Variants in TANGO6 observed in about 807,000 individuals in gnomAD.
TANGO6 encodes the protein transport and golgi organization 6 homolog, also known as transport and Golgi organization protein 6 homolog.
In TANGO6, 90 loss-of-function variants were observed where a neutral mutation model predicts 114.2. The ratio of observed to expected loss-of-function variants is 0.79; its 90% confidence interval spans 0.66 to 0.94. TANGO6 has a LOEUF of 0.94. Among genes scored for constraint, TANGO6 ranks in the 40% least tolerant of loss-of-function variants. The pLI, the probability that TANGO6 is intolerant of heterozygous loss-of-function variation, is 0.00. For missense variants in TANGO6, 1,274 were observed against 1,315.3 expected, an observed-to-expected ratio of 0.97 and a Z score of 0.49; for synonymous variants, 477 against 509.8, an observed-to-expected ratio of 0.94 and a Z score of 0.87.
chr16:68,904,430 T>C (rs900886411), intron 9 of TANGO6, among the ~76,000 whole-genome samples: 1 of 152,210 alleles, frequency 6.6e-6, no homozygotes, highest in East Asian at 1.9e-4. Context: ...TCTGGAAGAT[T>C]CTGGGATAAT....
chr16:68,882,770 A>G (rs919486540), intron 7 of TANGO6, among the ~76,000 whole-genome samples: 8 of 151,696 alleles, frequency 5.3e-5, no homozygotes, highest in African/African-American at 9.7e-5. Flanking sequence ...TGTAATCCCA[A>G]CACTTTGGGA....
intron 3 of TANGO6, among the ~76,000 whole-genome samples, chr16:68,863,708 C>T (rs188110604): frequency 3.9e-4 from 60 of 152,330 alleles, no homozygotes; most frequent in African/African-American, 1.4e-3. Context: ...TTTGACAAAA[C>T]ATTCTTTTAG....
At chr16:68,938,961 C>A (rs1032846993) in intron 14 of TANGO6, among the ~76,000 whole-genome samples, 5 of 150,280 alleles carry the variant, frequency 3.3e-5, no homozygotes, top group African/African-American at 1.2e-4. Flanking sequence ...AACCCCAACA[C>A]TTTGGGAGGC....
At chr16:69,010,051 AT>A (rs1964131098) in intron 15 of TANGO6, among the ~76,000 whole-genome samples, 1 of 152,194 alleles carries the variant, frequency 6.6e-6, no homozygotes, top group Non-Finnish European at 1.5e-5. Context: ...TTGCCAAAGT[AT>A]CTAGAAAGTT....
chr16:68,996,050 C>G (rs1005541328), intron 15 of TANGO6, among the ~76,000 whole-genome samples: 1 of 152,162 alleles, frequency 6.6e-6, no homozygotes. Flanking sequence ...CTGGGCTGCA[C>G]TGTAGCTGCG....
intron 9 of TANGO6, 62 bp downstream of exon 9, chr16:68,902,566 T>C (rs1962800247): frequency 7.0e-7 from 1 of 1,423,542 alleles, no homozygotes; most frequent in Non-Finnish European, 9.3e-7. Flanking sequence ...GGCCATTCAG[T>C]GATTCAACCA....
At chr16:68,871,241 T>C (rs925802731) in intron 4 of TANGO6, among the ~76,000 whole-genome samples, 2 of 152,204 alleles carry the variant, frequency 1.3e-5, no homozygotes, top group African/African-American at 2.4e-5. Flanking sequence ...CTGGCTTGTG[T>C]CATTTCTGAT....
chr16:68,941,634 T>A (rs1201076842), intron 14 of TANGO6, among the ~76,000 whole-genome samples: 1 of 151,916 alleles, frequency 6.6e-6, no homozygotes, highest in Non-Finnish European at 1.5e-5. Context: ...TAGTCCCAGC[T>A]ACTTGGGAGG....
intron 9 of TANGO6, among the ~76,000 whole-genome samples, chr16:68,902,937 G>T (rs935477068): frequency 6.6e-6 from 1 of 152,134 alleles, no homozygotes; most frequent in Non-Finnish European, 1.5e-5. Flanking sequence ...ATGGAAATTT[G>T]TTTCTCATAG....
At chr16:69,073,380 T>A (rs1181917959) in intron 17 of TANGO6, among the ~76,000 whole-genome samples, 1 of 152,222 alleles carries the variant, frequency 6.6e-6, no homozygotes, top group Non-Finnish European at 1.5e-5. Context: ...TTCCAGAGAA[T>A]TGCCTGCGTT....
At chr16:69,050,368 G>A (rs1051885201) in intron 17 of TANGO6, among the ~76,000 whole-genome samples, 1 of 152,028 alleles carries the variant, frequency 6.6e-6, no homozygotes, top group Non-Finnish European at 1.5e-5. Context: ...TTCTGAAACG[G>A]GGTCTCATGG....
At chr16:69,005,175 C>G (rs1597054865) in intron 15 of TANGO6, among the ~76,000 whole-genome samples, 1 of 152,150 alleles carries the variant, frequency 6.6e-6, no homozygotes, top group Admixed American at 6.6e-5. Context: ...CAGTGGGGGA[C>G]CACTCACAAC....
At chr16:68,968,816 A>G (rs1963673687) in intron 14 of TANGO6, among the ~76,000 whole-genome samples, 1 of 150,918 alleles carries the variant, frequency 6.6e-6, no homozygotes, top group Non-Finnish European at 1.5e-5. Flanking sequence ...GACTACAGGC[A>G]CCCACTACCA....
chr16:68,878,410 T>C, intron 6 of TANGO6, 130 bp downstream of exon 6: 1 of 1,130,452 alleles, frequency 8.8e-7, no homozygotes, highest in South Asian at 2.1e-5. Context: ...ACTTTTTATT[T>C]TGACAAATTC....
At chr16:69,019,599 G>A (rs1204242876) in intron 15 of TANGO6, among the ~76,000 whole-genome samples, 3 of 152,190 alleles carry the variant, frequency 2.0e-5, no homozygotes, top group African/African-American at 7.2e-5. Flanking sequence ...AGCAACCTCT[G>A]CTTGACTCTG....
intron 14 of TANGO6, among the ~76,000 whole-genome samples, chr16:68,952,371 A>G (rs1963479515): frequency 6.6e-6 from 1 of 152,186 alleles, no homozygotes; most frequent in African/African-American, 2.4e-5. Context: ...AGTATCAGCT[A>G]GAGGTGCACC....
intron 17 of TANGO6, among the ~76,000 whole-genome samples, chr16:69,076,528 G>A (rs1360461077): frequency 2.0e-5 from 3 of 152,204 alleles, no homozygotes; most frequent in Non-Finnish European, 4.4e-5. Flanking sequence ...CTAAAACAAG[G>A]AAGTGAATGA....
intron 14 of TANGO6, among the ~76,000 whole-genome samples, chr16:68,971,018 T>G (rs1963699296): frequency 6.6e-6 from 1 of 151,916 alleles, no homozygotes. Context: ...CCAGGCATAG[T>G]GGCAGGCACC....
intron 5 of TANGO6, among the ~76,000 whole-genome samples, chr16:68,877,682 A>G (rs1327109404): frequency 2.0e-5 from 3 of 151,604 alleles, no homozygotes; most frequent in Non-Finnish European, 4.4e-5. Flanking sequence ...ATCTCCGCTC[A>G]CTGCAAGCTC....
Sources: gnomAD v4.1 joint callset for allele counts (sites outside exome capture counted in the v4.1 genomes callset) on GRCh38, gnomAD v4.1.1 for gene constraint, MANE v1.5 for transcripts, NCBI Gene and HGNC (gene_info 2026-07-23, HGNC 2026-07-21) for gene names.